The following TUSC3 variants were observed in gnomAD, a reference collection of about 807,000 sequenced individuals.
TUSC3 encodes tumor suppressor candidate 3.
Under a neutral mutation model 44.8 loss-of-function variants are expected in TUSC3, and 45 were observed. The ratio of observed to expected loss-of-function variants is 1.00; its 90% CI spans 0.79 to 1.29. The LOEUF is 1.29. Ranked by LOEUF, TUSC3 falls within the 50% of genes most tolerant of loss-of-function variation. The pLI, the probability that TUSC3 is intolerant of heterozygous loss-of-function variation, is 0.00. For missense variants in TUSC3, 519 were observed against 437.9 expected (o/e 1.19, Z -1.65); for synonymous variants, 212 against 152.9 (o/e 1.39, Z -2.85).
intron 5 of TUSC3, among the ~76,000 whole-genome samples, chr8:15,668,082 A>G (rs566959518): frequency 6.6e-6 from 1 of 151,788 alleles, no homozygotes; most frequent in Non-Finnish European, 1.5e-5. Context: ...TGCTGAAAGT[A>G]AGTGTTCTCC....
At chr8:15,717,108 C>T (rs1479562172) in intron 6 of TUSC3, among the ~76,000 whole-genome samples, 1 of 151,994 alleles carries the variant, frequency 6.6e-6, no homozygotes. Context: ...GAAAACAACG[C>T]TATGACATTA....
At chr8:15,606,722 C>T (rs992314778) in intron 1 of TUSC3, among the ~76,000 whole-genome samples, 1 of 151,974 alleles carries the variant, frequency 6.6e-6, no homozygotes, top group African/African-American at 2.4e-5. Flanking sequence ...TTTATATTTA[C>T]GTGTGTACTT....
rs1804766085 is a variant in TUSC3, at chr8:15,611,658, A to G, written c.139-11422A>G. ...TTTATATTTCTGATAAAAATGGTGTATTTGTTTAATTTACTGTATAGCTCA... is the reference window on the plus strand; with the variant it reads ...TTTATATTTCTGATAAAAATGGTGTGTTTGTTTAATTTACTGTATAGCTCA... On this transcript the variant is annotated intron_variant, in intron 1 of 10. Transcript: ENST00000503731. Among the ~76,000 whole-genome samples the G allele has an allele frequency of 2.6e-5, 4 of 152,026 alleles. No individual in the cohort carries two copies. The South Asian group carries it at 8.3e-4, about 32-fold the overall frequency.
chr8:15,838,065 A>T, the TUSC3 span, among the ~76,000 whole-genome samples: 1 of 106,770 alleles, frequency 9.4e-6, no homozygotes. Context: ...AGTTGTTCAT[A>T]ATGTAAAGTC....
intron 1 of TUSC3, among the ~76,000 whole-genome samples, chr8:15,600,731 C>T (rs1480445897): frequency 2.6e-5 from 4 of 151,566 alleles, no homozygotes; most frequent in Non-Finnish European, 4.4e-5. Flanking sequence ...TCTTCTTGCA[C>T]CCTCTCAACA....
intron 1 of TUSC3, among the ~76,000 whole-genome samples, chr8:15,547,602 T>G (rs1474763099): frequency 1.3e-5 from 2 of 151,500 alleles, no homozygotes; most frequent in East Asian, 3.9e-4. Flanking sequence ...TGTCGTAGAT[T>G]GAATGTTTAT....
chr8:15,487,517 A>T (rs1800748818), intron 2 of TUSC3, among the ~76,000 whole-genome samples: 1 of 152,228 alleles, frequency 6.6e-6, no homozygotes, highest in African/African-American at 2.4e-5. Context: ...TTGTATTATT[A>T]TAAGGGCTAG....
intron 1 of TUSC3, among the ~76,000 whole-genome samples, chr8:15,452,557 C>T (rs1400692747): frequency 1.3e-5 from 2 of 152,008 alleles, no homozygotes; most frequent in Non-Finnish European, 2.9e-5. Flanking sequence ...GGAAGAGGAG[C>T]CAAGCTAGTG....
In TUSC3 at chr8:15,616,480, G is replaced by C. The variant is rs562952505; in HGVS notation, c.139-6600G>C. On this transcript the variant is annotated intron_variant, in intron 1 of 10. Transcript: ENST00000503731. Reference sequence around the variant, plus strand: ...GTAATCAGTCTACTCGGGAAGCTGAGGCTGGAGAATCGTTTGAACCTGGGA... The same window carrying C: ...GTAATCAGTCTACTCGGGAAGCTGACGCTGGAGAATCGTTTGAACCTGGGA... Among the ~76,000 whole-genome samples the C allele has an allele frequency of 1.2e-4, 18 of 152,342 alleles. 1 individual carries two copies. In the South Asian group the frequency reaches 2.3e-3, roughly 19 times the overall value.
At chr8:15,816,300 C>G in the TUSC3 span, among the ~76,000 whole-genome samples, 1 of 152,006 alleles carries the variant, frequency 6.6e-6, no homozygotes, top group Non-Finnish European at 1.5e-5. Context: ...TGAGTTGGGC[C>G]ATCCATTGCA....
chr8:15,838,852 T>C, the TUSC3 span, among the ~76,000 whole-genome samples: 1 of 152,166 alleles, frequency 6.6e-6, no homozygotes, highest in Non-Finnish European at 1.5e-5. Flanking sequence ...TCTTTTTTGG[T>C]TCCATATGAA....
chr8:15,481,167 G>A (rs1800654939), intron 1 of TUSC3, among the ~76,000 whole-genome samples: 1 of 148,274 alleles, frequency 6.7e-6, no homozygotes, highest in Non-Finnish European at 1.5e-5. Flanking sequence ...AGAACTGCTT[G>A]AACCTGGAAG....
chr8:15,743,638 T>A, intron 8 of TUSC3, 26 bp downstream of exon 8: 1 of 1,612,934 alleles, frequency 6.2e-7, no homozygotes, highest in Non-Finnish European at 8.5e-7. Context: ...GCCATTTTTG[T>A]AATTTCGTTT....
At chr8:15,479,160 T>A (rs1800624359) in intron 1 of TUSC3, among the ~76,000 whole-genome samples, 1 of 152,196 alleles carries the variant, frequency 6.6e-6, no homozygotes, top group Admixed American at 6.5e-5. Context: ...TTTGTTTAAG[T>A]TCTTTGTAGA....
At chr8:15,758,548 A>C (rs949908619) in intron 10 of TUSC3, among the ~76,000 whole-genome samples, 2 of 152,010 alleles carry the variant, frequency 1.3e-5, no homozygotes, top group Non-Finnish European at 2.9e-5. Context: ...AGCTCTGGAG[A>C]CTTAATTCCA....
intron 3 of TUSC3, among the ~76,000 whole-genome samples, chr8:15,653,812 G>A (rs1456801640): frequency 2.0e-5 from 3 of 152,180 alleles, no homozygotes; most frequent in Non-Finnish European, 4.4e-5. Context: ...TTTTGCTGAA[G>A]TACTGTCTCT....
At position 15,712,509 on chromosome 8, in the gene TUSC3, G is replaced by A. The variant is rs1056319545; in HGVS notation, c.799-18157G>A. Among the ~76,000 whole-genome samples the A allele has an allele frequency of 4.0e-5, 6 of 151,846 alleles. No individual in the cohort carries two copies. In the East Asian group the frequency reaches 5.8e-4, roughly 15 times the overall value. On this transcript the variant is annotated intron_variant, in intron 6 of 10. Transcript: ENST00000503731. Reference sequence around the variant, plus strand: ...TTATTTCGATCTTTATTCCTTAACCGTTTTATTAGATCTCTTTTATGTTCC... The same window carrying A: ...TTATTTCGATCTTTATTCCTTAACCATTTTATTAGATCTCTTTTATGTTCC...
At chr8:15,621,693 A>G (rs888591373) in intron 1 of TUSC3, among the ~76,000 whole-genome samples, 9 of 149,642 alleles carry the variant, frequency 6.0e-5, no homozygotes, top group African/African-American at 2.2e-4. Context: ...ATATATGTAA[A>G]TCTAACTAAA....
intron 1 of TUSC3, among the ~76,000 whole-genome samples, chr8:15,601,047 A>G (rs766891921): frequency 3.3e-5 from 5 of 151,840 alleles, no homozygotes; most frequent in African/African-American, 7.2e-5. Flanking sequence ...AGTGCAAGCT[A>G]TAACACTAGA....
Sources: gnomAD v4.1 joint callset for allele counts (sites outside exome capture counted in the v4.1 genomes callset) on GRCh38, gnomAD v4.1.1 for gene constraint, MANE v1.5 for transcripts, NCBI Gene and HGNC (gene_info 2026-07-23, HGNC 2026-07-21) for gene names.